Variants in CNTN5 observed in about 807,000 individuals in gnomAD.
CNTN5 encodes the protein contactin-5.
Under a neutral mutation model 129.1 loss-of-function variants are expected in CNTN5, and 77 were observed. The ratio of observed to expected loss-of-function variants is 0.60; its 90% CI spans 0.50 to 0.72. The LOEUF (loss-of-function observed/expected upper bound fraction) is 0.72. CNTN5 is among the 30% of genes least tolerant of loss of function. The pLI is 0.00. For missense variants in CNTN5, 1,478 were observed against 1,328.8 expected (o/e 1.11, Z -1.75); for synonymous variants, 509 against 465.6 (o/e 1.09, Z -1.20).
At chr11:99,442,601 A>G (rs963834739) in intron 2 of CNTN5, among the ~76,000 whole-genome samples, 13 of 152,182 alleles carry the variant, frequency 8.5e-5, no homozygotes, top group Non-Finnish European at 1.5e-4. Context: ...GTGTGACTCT[A>G]TTCGTCTATG....
At chr11:99,448,489 A>G (rs1170684087) in intron 2 of CNTN5, among the ~76,000 whole-genome samples, 1 of 152,070 alleles carries the variant, frequency 6.6e-6, no homozygotes, top group African/African-American at 2.4e-5. Context: ...CAGTTTAGAA[A>G]CCTTTCGATT....
intron 8 of CNTN5, among the ~76,000 whole-genome samples, chr11:99,994,694 C>T (rs1348818395): frequency 5.3e-5 from 8 of 152,094 alleles, no homozygotes; most frequent in Admixed American, 1.3e-4. Context: ...GCAGGGAAAT[C>T]GGAAATTAAG....
At chr11:100,154,613 G>A (rs1947174562) in intron 13 of CNTN5, among the ~76,000 whole-genome samples, 1 of 152,046 alleles carries the variant, frequency 6.6e-6, no homozygotes, top group South Asian at 2.1e-4. Context: ...CTTCCACAAT[G>A]GTTGAATGAA....
intron 2 of CNTN5, among the ~76,000 whole-genome samples, chr11:99,330,020 A>T (rs1056106019): frequency 6.6e-6 from 1 of 151,806 alleles, no homozygotes; most frequent in Non-Finnish European, 1.5e-5. Context: ...ATTGTCATAG[A>T]ATAAGTAGCA....
chr11:100,129,166 T>C (rs1435192439), intron 13 of CNTN5, among the ~76,000 whole-genome samples: 1 of 152,128 alleles, frequency 6.6e-6, no homozygotes, highest in Non-Finnish European at 1.5e-5. Flanking sequence ...AATAAATGAA[T>C]GGATGGACAA....
At chr11:99,744,509 G>A (rs1449315979) in intron 3 of CNTN5, among the ~76,000 whole-genome samples, 1 of 124,930 alleles carries the variant, frequency 8.0e-6, no homozygotes, top group Non-Finnish European at 1.6e-5. Context: ...CGACCGATTG[G>A]GCAACATAGC....
chr11:99,469,510 T>A (rs572729379), intron 2 of CNTN5, among the ~76,000 whole-genome samples: 1 of 152,106 alleles, frequency 6.6e-6, no homozygotes, highest in East Asian at 1.9e-4. Context: ...CTTAACTTAC[T>A]GTATAATATT....
intron 8 of CNTN5, among the ~76,000 whole-genome samples, chr11:99,993,200 T>G (rs1297412928): frequency 6.6e-6 from 1 of 152,182 alleles, no homozygotes; most frequent in East Asian, 1.9e-4. Flanking sequence ...ATTAATGTAG[T>G]ACATATAGTA....
intron 13 of CNTN5, among the ~76,000 whole-genome samples, chr11:100,150,613 A>T (rs560990961): frequency 3.3e-5 from 5 of 151,840 alleles, no homozygotes; most frequent in Non-Finnish European, 7.4e-5. Flanking sequence ...TTTGGATTAC[A>T]AATTTTTACG....
chr11:100,233,471 C>T (rs891785517), intron 16 of CNTN5, among the ~76,000 whole-genome samples: 8 of 152,220 alleles, frequency 5.3e-5, no homozygotes, highest in Admixed American at 5.2e-4. Context: ...AGCACTTTGT[C>T]ATTACCATCT....
chr11:99,679,671 G>A lies in CNTN5; in HGVS notation c.55+123402G>A, dbSNP rs61911560. Among the ~76,000 whole-genome samples the A allele has an allele frequency of 7.1e-3, 1,075 of 152,248 alleles. 4 individuals carry two copies. Among genetic ancestry groups the A allele is most frequent in the Non-Finnish European group, 0.012 (841 of 68,010 alleles). ...CTAAGAGACAACACTATTGAAATTA[G>A]GTCAGTTAAGAACCCTACCGTGGCC... On this transcript the variant is annotated intron_variant, in intron 3 of 24. Coordinates refer to ENST00000524871, the MANE Select transcript of CNTN5 (RefSeq NM_014361.4).
At chr11:99,488,864 T>TG (rs1249244125) in intron 2 of CNTN5, among the ~76,000 whole-genome samples, 3 of 152,086 alleles carry the variant, frequency 2.0e-5, no homozygotes, top group Admixed American at 2.0e-4. Context: ...TGAAAGATAC[T>TG]GAAAAAGAGG....
At chr11:99,880,817 T>G (rs1259602675) in intron 6 of CNTN5, among the ~76,000 whole-genome samples, 1 of 152,160 alleles carries the variant, frequency 6.6e-6, no homozygotes, top group Admixed American at 6.5e-5. Flanking sequence ...TAGGAAATAT[T>G]ATTTTGGAGA....
chr11:99,379,862 A>G (rs895871906), intron 2 of CNTN5, among the ~76,000 whole-genome samples: 3 of 152,092 alleles, frequency 2.0e-5, no homozygotes, highest in South Asian at 4.1e-4. Flanking sequence ...TGGGAGGCTG[A>G]GGCATATGTA....
chr11:99,166,364 G>C (rs866264360), intron 1 of CNTN5, among the ~76,000 whole-genome samples: 5 of 143,414 alleles, frequency 3.5e-5, no homozygotes, highest in African/African-American at 1.3e-4. Flanking sequence ...TTGCGCCATT[G>C]CACCCAGCCT....
At chr11:99,697,191 A>T (rs1954307133) in intron 3 of CNTN5, among the ~76,000 whole-genome samples, 1 of 152,020 alleles carries the variant, frequency 6.6e-6, no homozygotes, top group Non-Finnish European at 1.5e-5. Context: ...AATTTCAAAT[A>T]AATTATGTAG....
At chr11:100,192,303 C>A (rs149064876) in intron 14 of CNTN5, among the ~76,000 whole-genome samples, 57 of 152,134 alleles carry the variant, frequency 3.7e-4, no homozygotes, top group Non-Finnish European at 7.7e-4. Context: ...ACACTCCAAT[C>A]CCCACAAAAT....
At chr11:100,008,452 T>C (rs143199401) in intron 9 of CNTN5, among the ~76,000 whole-genome samples, 47 of 152,206 alleles carry the variant, frequency 3.1e-4, no homozygotes, top group African/African-American at 1.1e-3. Flanking sequence ...TTCATAAATA[T>C]AGTAGACTAA....
chr11:100,074,077 C>T, intron 12 of CNTN5, 67 bp from the exon 13 acceptor site: 1 of 1,410,656 alleles, frequency 7.1e-7, no homozygotes, highest in Non-Finnish European at 9.7e-7. Flanking sequence ...ACAAGATCTT[C>T]ATGAATCACC....
Sources: allele counts gnomAD v4.1 joint callset (sites outside exome capture counted in the v4.1 genomes callset), GRCh38; gene constraint gnomAD v4.1.1; transcripts MANE v1.5; gene names NCBI Gene and HGNC (gene_info 2026-07-23, HGNC 2026-07-21).